Variants in NEB observed in about 807,000 individuals in gnomAD.
NEB encodes the protein nebulin.
In NEB, 512 loss-of-function variants were observed where a neutral mutation model predicts 952.2. The observed-to-expected ratio is 0.54, with a 90% CI of 0.50 to 0.58. The LOEUF is 0.58. Among genes scored for constraint, NEB ranks in the 20% least tolerant of loss-of-function variants. NEB has a pLI of 0.00. For missense variants in NEB, 8,428 were observed against 9,231.1 expected (o/e 0.91, Z 3.56); for synonymous variants, 2,900 against 3,149.8 (o/e 0.92, Z 2.66).
chr2:151,687,495 T>C lies in NEB; in HGVS notation c.2561A>G (p.Lys854Arg). Residue 854 changes from lysine to arginine, a missense_variant, in exon 27 of 182, where the codon AAA becomes AGA. This residue lies in a region of NEB where 2,851 missense variants were observed against 2,791.5 expected (regional missense o/e 1.02). Transcript: ENST00000397345. ...ATTAATGCTGAGGGCTCCAATCATTTTCCCTTTGCTCTTTTCATAGTCTTT... is the reference window on the plus strand; with the variant it reads ...ATTAATGCTGAGGGCTCCAATCATTCTCCCTTTGCTCTTTTCATAGTCTTT... ...YKKDYEKSKG[K>R]MIGALSINDD... 6.2e-7 allele frequency: 1 copy of C among 1,614,032 alleles called. No homozygotes were observed. The highest frequency in any genetic ancestry group is 8.5e-7 in the Non-Finnish European group (1 of 1,179,892).
At chr2:151,565,458 A>T in intron 116 of NEB, 43 bp downstream of exon 116, 1 of 1,284,872 alleles carries the variant, frequency 7.8e-7, no homozygotes, top group East Asian at 2.4e-5. Context: ...TAGACAATTT[A>T]CTCCCCAGTC....
In NEB at chr2:151,565,544, G is replaced by A. The variant is rs2096323535; in HGVS notation, c.18323C>T (p.Pro6108Leu). Residue 6108 changes from proline to leucine, a missense_variant, in exon 116 of 182, where the codon CCA becomes CTA. Transcript: ENST00000397345. ...YPNFRSVVDP[P>L]EIVLAKINSV... is the part of the protein sequence containing the mutation. ...ATTAATCTTGGCTAAAACAATCTCTGGAGGATCCACCACACTTCTAAAGTT... is the reference window on the plus strand; with the variant it reads ...ATTAATCTTGGCTAAAACAATCTCTAGAGGATCCACCACACTTCTAAAGTT... 1 of 1,602,814 alleles carries A rather than the reference G, an allele frequency of 6.2e-7. No homozygotes were observed. Among genetic ancestry groups the A allele is most frequent in the Admixed American group, 1.7e-5 (1 of 59,524 alleles).
At chr2:151,684,153 T>G (rs1355172635) in intron 28 of NEB, among the ~76,000 whole-genome samples, 1 of 152,268 alleles carries the variant, frequency 6.6e-6, no homozygotes, top group South Asian at 2.1e-4. Flanking sequence ...ACAACAATGT[T>G]AATATACTTA....
At chr2:151,549,074 A>G (rs992355213) in intron 130 of NEB, among the ~76,000 whole-genome samples, 1 of 152,200 alleles carries the variant, frequency 6.6e-6, no homozygotes, top group South Asian at 2.1e-4. Context: ...GAAGGGCAAC[A>G]TGAGGGTCAT....
At position 151,569,507 on chromosome 2, in the gene NEB, G is replaced by T. The variant is rs1364278599; in HGVS notation, c.17431-135C>A. 5.8e-6 allele frequency: 4 copies of T among 686,124 alleles called. No individual in the cohort carries two copies. In the Admixed American group the frequency reaches 9.3e-5, roughly 16 times the overall value. The allele number at this position is 686,124 out of a possible 1,614,324, so 42.5% of individuals were successfully genotyped here. A position where few individuals can be genotyped will look rare whatever the true frequency, so the allele number is the denominator to read the frequency against. ...AGGACATACTCAAGCAGCCACGCAG[G>T]TAATGTAAGAAAATTAATTAGGCGG... On this transcript the variant is annotated intron_variant, in intron 109 of 181. Transcript: ENST00000397345.
intron 43 of NEB, 54 bp from the exon 44 acceptor site, chr2:151,664,662 G>C (rs1479698598): frequency 1.3e-5 from 20 of 1,536,202 alleles, no homozygotes; most frequent in Non-Finnish European, 1.8e-5. Context: ...TTAGAATAGA[G>C]GTCCTGACTA....
Position 151,518,433 on chromosome 2 carries a change from G to C in NEB, c.22696-11C>G, listed in dbSNP as rs1365938022. 1.9e-6 allele frequency: 3 copies of C among 1,551,418 alleles called. No individual in the cohort carries two copies. The highest frequency in any genetic ancestry group is 2.7e-6 in the Non-Finnish European group (3 of 1,129,162). ...CTTCTTGTACTGGTACTGAGGGGAA[G>C]GCGGCAAAAAAGGCACATTGATGGA... On this transcript the variant is annotated splice_polypyrimidine_tract_variant and intron_variant, in intron 155 of 181. Coordinates refer to ENST00000397345, the MANE Select transcript of NEB (RefSeq NM_001164508.2).
rs183073860 is a variant in NEB, at chr2:151,560,655, G to A, written c.19251C>T (p.Tyr6417=). ...EAWDRVKATS[Y]ILPSSTLSLT... ...GGGACAAGGTGCTGGAAGGCAGGAT[G>A]TAGCTGGTGGCTTTCACTCTATCCC... Residue 6417 remains tyrosine, a synonymous_variant, in exon 124 of 182, where the codon TAC becomes TAT. Transcript: ENST00000397345. 1.9e-6 allele frequency: 3 copies of A among 1,612,490 alleles called. No individual in the cohort carries two copies. Among genetic ancestry groups the A allele is most frequent in the East Asian group, 2.2e-5 (1 of 44,802 alleles).
At chr2:151,569,810 C>A (rs1035191786) in intron 109 of NEB, among the ~76,000 whole-genome samples, 2 of 152,184 alleles carry the variant, frequency 1.3e-5, no homozygotes, top group African/African-American at 4.8e-5. Context: ...GCCTCTATTG[C>A]TATCTAAATT....
At position 151,672,624 on chromosome 2, in the gene NEB, G is replaced by C. The variant is rs753381922; in HGVS notation, c.4044C>G (p.Ser1348Arg). The C allele has an allele frequency of 1.9e-6, 3 of 1,613,912 alleles. No homozygotes were observed. Among genetic ancestry groups the C allele is most frequent in the Non-Finnish European group, 2.5e-6 (3 of 1,179,844 alleles). ...GGACCAGCTTGGGATCATCCTGGAG[G>C]CTTCTGAAACCCACATGCTTTCCCT... The part of the protein sequence containing the change: ...KSKGKHVGFR[S>R]LQDDPKLVHY... The change falls in exon 37 of 182, where the codon AGC becomes AGG. Residue 1348 changes from serine to arginine, a missense_variant. Ser to Arg is a moderately radical substitution (Grantham distance 110). Around this residue, in one of 11 missense-constraint regions of NEB, gnomAD observed 2,851 missense variants for 2,791.5 expected, o/e 1.02. Coordinates refer to ENST00000397345, the MANE Select transcript of NEB (RefSeq NM_001164508.2).
chr2:151,687,182 T>C (rs2099509399), intron 27 of NEB, among the ~76,000 whole-genome samples: 1 of 152,234 alleles, frequency 6.6e-6, no homozygotes, highest in Admixed American at 6.5e-5. Flanking sequence ...CTATTAAATA[T>C]TAATGCATAC....
At position 151,567,320 on chromosome 2, in the gene NEB, T is replaced by C; in HGVS notation, c.18004A>G (p.Ile6002Val). The C allele has an allele frequency of 6.2e-7, 1 of 1,613,938 alleles. No homozygotes were observed. Among genetic ancestry groups the C allele is most frequent in the South Asian group, 1.1e-5 (1 of 91,084 alleles). Residue 6002 changes from isoleucine to valine, a missense_variant, in exon 114 of 182, where the codon ATA (isoleucine) becomes GTA (valine). Ile to Val is a conservative substitution (Grantham distance 29, BLOSUM62 3). Coordinates refer to ENST00000397345, the MANE Select transcript of NEB (RefSeq NM_001164508.2). Reference protein sequence around the residue: ...DYHKTKAKINIPADMVSVLAA... With the variant: ...DYHKTKAKINVPADMVSVLAA... ...AAGACTGACACCATATCAGCAGGTA[T>C]ATTGATTTTGGCCTTTGTTTTGTGA...
intron 133 of NEB, among the ~76,000 whole-genome samples, 187 bp from the exon 134 acceptor site, chr2:151,546,630 C>G (rs2094739139): frequency 6.8e-6 from 1 of 147,582 alleles, no homozygotes; most frequent in Non-Finnish European, 1.5e-5. Flanking sequence ...AAGATCTTGG[C>G]TGACTGCAAC....
Position 151,727,672 on chromosome 2 carries a change from G to A in NEB, c.294+19C>T. Reference sequence around the variant, plus strand: ...TCTTAATAATCAAGCCAGGTTAGCAGAAGTTGTTTGAAACTTACTGGGCTA... The same window carrying A: ...TCTTAATAATCAAGCCAGGTTAGCAAAAGTTGTTTGAAACTTACTGGGCTA... On this transcript the variant is annotated intron_variant, in intron 5 of 181. Transcript: ENST00000397345. 1 of 1,600,710 alleles carries A rather than the reference G, an allele frequency of 6.2e-7. No individual in the cohort carries two copies. Among genetic ancestry groups the A allele is most frequent in the South Asian group, 1.1e-5 (1 of 90,636 alleles).
rs759755890 is a variant in NEB at position 151,576,231 on chromosome 2, C to G, written c.16828G>C (p.Val5610Leu). The change falls in exon 106 of 182, where the codon GTG (valine) becomes CTG (leucine). Residue 5610 changes from valine to leucine, a missense_variant. Val to Leu is a conservative substitution (Grantham distance 32). Coordinates refer to ENST00000397345, the MANE Select transcript of NEB (RefSeq NM_001164508.2). ...IFCDSVYRTP[V>L]VNLKYTSIVD... is the part of the protein sequence containing the mutation. ...ATGCTTGTGTACTTAAGGTTCACCA[C>G]AGGCGTCCGATAGACACTGTCACAA... 1 of 1,611,614 alleles carries G rather than the reference C, an allele frequency of 6.2e-7. No homozygotes were observed. The highest frequency in any genetic ancestry group is 8.5e-7 in the Non-Finnish European group (1 of 1,178,272).
intron 133 of NEB, 31 bp from the exon 134 acceptor site, chr2:151,546,474 C>A: frequency 7.1e-7 from 1 of 1,411,138 alleles, no homozygotes; most frequent in South Asian, 1.2e-5. Context: ...TATAGCTGGT[C>A]ATAAGCAAAT....
chr2:151,614,563 T>G lies in NEB; in HGVS notation c.11314A>C (p.Lys3772Gln). Residue 3772 changes from lysine to glutamine, a missense_variant, in exon 77 of 182, where the codon AAA becomes CAA. This residue lies in a region of NEB where 1,772 missense variants were observed against 1,960.3 expected (regional missense o/e 0.90). Coordinates refer to ENST00000397345, the MANE Select transcript of NEB (RefSeq NM_001164508.2). ...GCCCCAATATGGTGGCCAAGCTGTT[T>G]GCGGTAGCCTTCCTTGTACTTGTAC... is the stretch of plus-strand genomic sequence containing the variant. ...SDYKYKEGYR[K>Q]QLGHHIGARN... The G allele has an allele frequency of 6.2e-7, 1 of 1,613,736 alleles. No individual in the cohort carries two copies. The highest frequency in any genetic ancestry group is 1.3e-5 in the African/African-American group (1 of 75,038).
chr2:151,718,582 T>C (rs2099765720), intron 9 of NEB, among the ~76,000 whole-genome samples: 1 of 152,150 alleles, frequency 6.6e-6, no homozygotes, highest in South Asian at 2.1e-4. Flanking sequence ...TATTCATCCC[T>C]GCGTCTCCCA....
intron 107 of NEB, among the ~76,000 whole-genome samples, chr2:151,573,722 A>G (rs1334600965): frequency 2.0e-5 from 3 of 152,200 alleles, no homozygotes; most frequent in Non-Finnish European, 4.4e-5. Flanking sequence ...GCACTAAGGT[A>G]GTATCCTTCT....
Sources: allele counts gnomAD v4.1 joint callset (sites outside exome capture counted in the v4.1 genomes callset), GRCh38; gene constraint gnomAD v4.1.1; regional missense constraint gnomAD v4.1.1; transcripts MANE v1.5; gene names NCBI Gene and HGNC (gene_info 2026-07-23, HGNC 2026-07-21).